ZMYM4: variants seen among roughly 807,000 people sequenced by gnomAD.
ZMYM4 encodes zinc finger MYM-type protein 4.
Under a neutral mutation model 183.2 loss-of-function variants are expected in ZMYM4, and 31 were observed. That is an observed-to-expected ratio of 0.17 (90% CI 0.13 to 0.23). ZMYM4 has a LOEUF of 0.23. ZMYM4 is among the 10% of genes least tolerant of loss of function. The pLI, the probability that ZMYM4 is intolerant of heterozygous loss-of-function variation, is 1.00. For synonymous variants in ZMYM4, 592 were observed against 631.2 expected (o/e 0.94, Z 0.93); for missense variants, 1,273 against 1,840.3 (o/e 0.69, Z 5.64).
intron 1 of ZMYM4, among the ~76,000 whole-genome samples, chr1:35,313,923 A>G (rs1641918869): frequency 6.6e-6 from 1 of 152,234 alleles, no homozygotes; most frequent in South Asian, 2.1e-4. Context: ...AATTTAAAAT[A>G]GAGCCTAGCA....
At chr1:35,321,708 G>T (rs1453110395) in intron 1 of ZMYM4, among the ~76,000 whole-genome samples, 1 of 151,848 alleles carries the variant, frequency 6.6e-6, no homozygotes, top group Non-Finnish European at 1.5e-5. Flanking sequence ...GATTAAATTG[G>T]ATTAAATCAT....
intron 25 of ZMYM4, 93 bp downstream of exon 25, chr1:35,405,561 T>A: frequency 1.9e-6 from 2 of 1,028,858 alleles, no homozygotes; most frequent in South Asian, 1.9e-5. Flanking sequence ...TATTTAAAAT[T>A]TAGAGTATTA....
In ZMYM4 at chr1:35,370,055, A is replaced by G; in HGVS notation, c.867A>G (p.Lys289=). The G allele has an allele frequency of 1.2e-6, 2 of 1,613,278 alleles. No individual in the cohort carries two copies. Among genetic ancestry groups the G allele is most frequent in the Non-Finnish European group, 1.7e-6 (2 of 1,179,526 alleles). ...AQEYSHGQQQ[K]TQEGELKISA... Reference sequence around the variant, plus strand: ...AGTATAGTCATGGCCAACAGCAAAAAACTCAAGAGGGGGAACTGAAAATTA... The same window carrying G: ...AGTATAGTCATGGCCAACAGCAAAAGACTCAAGAGGGGGAACTGAAAATTA... The change falls in exon 6 of 30, where the codon AAA becomes AAG. Residue 289 remains lysine, a synonymous_variant. Transcript: ENST00000314607.
At chr1:35,272,543 C>T (rs1370971998) in intron 1 of ZMYM4, among the ~76,000 whole-genome samples, 1 of 152,202 alleles carries the variant, frequency 6.6e-6, no homozygotes, top group Non-Finnish European at 1.5e-5. Flanking sequence ...TTACCTAGTA[C>T]AGCAGAGGCT....
chr1:35,342,380 C>G (rs895239231), intron 2 of ZMYM4, among the ~76,000 whole-genome samples: 5 of 151,956 alleles, frequency 3.3e-5, no homozygotes, highest in African/African-American at 1.2e-4. Flanking sequence ...AGGCTGGTCT[C>G]GAACTCCTGG....
intron 1 of ZMYM4, among the ~76,000 whole-genome samples, chr1:35,276,275 C>T (rs1423251895): frequency 6.8e-6 from 1 of 147,142 alleles, no homozygotes; most frequent in African/African-American, 2.5e-5. Flanking sequence ...TCCCTCCCTC[C>T]CTCCCTTCTT....
At chr1:35,418,734 A>G (rs1201441908) in intron 29 of ZMYM4, among the ~76,000 whole-genome samples, 162 bp downstream of exon 29, 1 of 152,240 alleles carries the variant, frequency 6.6e-6, no homozygotes, top group African/African-American at 2.4e-5. Context: ...TTTGAACCAC[A>G]AAACAAATTA....
At chr1:35,371,091 G>GTGTT (rs1644200247) in intron 7 of ZMYM4, among the ~76,000 whole-genome samples, 1 of 126,364 alleles carries the variant, frequency 7.9e-6, no homozygotes, top group South Asian at 2.6e-4. Flanking sequence ...GTGTGTGTGT[G>GTGTT]TGTGTGTGTG....
chr1:35,348,471 T>C (rs1346821031), intron 2 of ZMYM4, among the ~76,000 whole-genome samples: 1 of 152,276 alleles, frequency 6.6e-6, no homozygotes, highest in Non-Finnish European at 1.5e-5. Context: ...GGTTCCTTAA[T>C]GTGCCCATCC....
chr1:35,310,035 T>A (rs146560242), intron 1 of ZMYM4, among the ~76,000 whole-genome samples: 2,514 of 151,666 alleles, frequency 0.017, 65 homozygotes, highest in African/African-American at 0.057. Flanking sequence ...GTTCAAGCGA[T>A]TCTCCTGCCT....
At chr1:35,274,508 T>C (rs1285826242) in intron 1 of ZMYM4, among the ~76,000 whole-genome samples, 1 of 151,772 alleles carries the variant, frequency 6.6e-6, no homozygotes, top group Non-Finnish European at 1.5e-5. Flanking sequence ...GTGGGAGGAT[T>C]GCTTGGAGGA....
At chr1:35,383,673 A>G (rs976333170) in intron 9 of ZMYM4, among the ~76,000 whole-genome samples, 3 of 152,218 alleles carry the variant, frequency 2.0e-5, no homozygotes, top group African/African-American at 7.2e-5. Context: ...GATGAGTGAT[A>G]GTCCACAAGA....
At chr1:35,338,771 T>C (rs867232332) in intron 2 of ZMYM4, among the ~76,000 whole-genome samples, 2 of 152,248 alleles carry the variant, frequency 1.3e-5, no homozygotes, top group African/African-American at 4.8e-5. Context: ...TTTTGTGAAA[T>C]GCCTGTTACG....
At chr1:35,379,953 A>G (rs995749614) in intron 7 of ZMYM4, among the ~76,000 whole-genome samples, 31 of 152,332 alleles carry the variant, frequency 2.0e-4, no homozygotes, top group Admixed American at 1.2e-3. Context: ...TTCACTAATC[A>G]TAGAAAAACA....
chr1:35,386,672 A>G lies in ZMYM4; in HGVS notation c.1837-331A>G, dbSNP rs138800703. On this transcript the variant is annotated intron_variant, in intron 11 of 29. Coordinates refer to ENST00000314607, the MANE Select transcript of ZMYM4 (RefSeq NM_005095.3). ...TAGGGCCTGGGTTGTATAAGTTTCT[A>G]TATCATTCCTATTAAACTTGGATTT... 3.9e-3 allele frequency among the ~76,000 whole-genome samples: 597 copies of G among 152,282 alleles called. 3 individuals are homozygous for G. The highest frequency in any genetic ancestry group is 4.8e-3 in the Non-Finnish European group (328 of 68,034).
At chr1:35,398,001 C>CTG (rs1644839158) in intron 20 of ZMYM4, among the ~76,000 whole-genome samples, 1 of 152,166 alleles carries the variant, frequency 6.6e-6, no homozygotes, top group Admixed American at 6.5e-5. Context: ...GTGTGCTTGC[C>CTG]ATACTCTAGG....
In ZMYM4 at chr1:35,385,362, T is replaced by C. The variant is rs962761348; in HGVS notation, c.1570-80T>C. 3 of 1,375,260 alleles carry C rather than the reference T, an allele frequency of 2.2e-6. No homozygotes were observed. In the African/African-American group the frequency reaches 4.5e-5, roughly 20 times the overall value. 85.2% of individuals were successfully genotyped at this position (1,375,260 alleles called of 1,614,324 possible). On this transcript the variant is annotated intron_variant, in intron 9 of 29. Coordinates refer to ENST00000314607, the MANE Select transcript of ZMYM4 (RefSeq NM_005095.3). ...TCACTGATTTCAAATATTTCAAAAG[T>C]GTTGAGTATAAACATTTCGAAGAAT...
chr1:35,336,942 G>T (rs1191982935), intron 2 of ZMYM4, among the ~76,000 whole-genome samples: 1 of 152,146 alleles, frequency 6.6e-6, no homozygotes, highest in Non-Finnish European at 1.5e-5. Flanking sequence ...TTTTATAAAT[G>T]GTAGTTTTCA....
At position 35,282,980 on chromosome 1, in the gene ZMYM4, GTTTTTTTTTTTTTTTTTT is replaced by G. The variant is rs775211352; in HGVS notation, c.39+13914_39+13931del. On this transcript the variant is annotated intron_variant, in intron 1 of 29. Coordinates refer to ENST00000314607, the MANE Select transcript of ZMYM4 (RefSeq NM_005095.3). The stretch of plus-strand genomic sequence containing the variant: ...ATACTTGTTGTTTTCTGTGTGTGTG[GTTTTTTTTTTTTTTTTTT>G]TTTTTTTTTTTTTTTTTTGAGACAG... Among the ~76,000 whole-genome samples the G allele has an allele frequency of 2.0e-3, 52 of 26,264 alleles. 1 individual carries two copies. The highest frequency in any genetic ancestry group is 7.8e-3 in the South Asian group (6 of 768). The allele number at this position is 26,264 out of a possible 152,430, so 17.2% of individuals were successfully genotyped here.
Sources: allele counts gnomAD v4.1 joint callset (sites outside exome capture counted in the v4.1 genomes callset), GRCh38; gene constraint gnomAD v4.1.1; transcripts MANE v1.5; gene names NCBI Gene and HGNC (gene_info 2026-07-23, HGNC 2026-07-21).